The following HTR2C variants were observed in gnomAD, a reference collection of about 807,000 sequenced individuals.
HTR2C encodes the protein 5-hydroxytryptamine receptor 2C, also known as 5-hydroxytryptamine (serotonin) receptor 2C, G protein-coupled.
Under a neutral mutation model 21.0 loss-of-function variants are expected in HTR2C, and 5 were observed. The ratio of observed to expected loss-of-function variants is 0.24; its 90% CI spans 0.12 to 0.50. HTR2C has a LOEUF of 0.50. Ranked by LOEUF, HTR2C falls within the 20% of genes least tolerant of loss-of-function variation. The pLI, the probability that HTR2C is intolerant of heterozygous loss-of-function variation, is 0.98. For missense variants in HTR2C, 271 were observed against 371.2 expected, an observed-to-expected ratio of 0.73 and a Z score of 2.22; for synonymous variants, 150 against 145.3, an observed-to-expected ratio of 1.03 and a Z score of -0.23.
At chrX:114,675,868 C>CTTTTTTTT (rs1556412476) in intron 2 of HTR2C, among the ~76,000 whole-genome samples, 27 of 94,284 alleles carry the variant, frequency 2.9e-4, no homozygotes, top group Non-Finnish European at 4.7e-4. Context: ...TTTCTTTTTT[C>CTTTTTTTT]TTTTTTCTTT....
chrX:114,855,901 AC>A (rs1339267781), intron 5 of HTR2C, among the ~76,000 whole-genome samples: 4 of 107,041 alleles, frequency 3.7e-5, no homozygotes, highest in Non-Finnish European at 5.8e-5. Flanking sequence ...TACAAGAGAA[AC>A]TTTTTCATGG....
chrX:114,892,407 A>C (rs1457537560), intron 5 of HTR2C, among the ~76,000 whole-genome samples: 1 of 111,783 alleles, frequency 8.9e-6, no homozygotes, highest in Non-Finnish European at 1.9e-5. Flanking sequence ...ACTTTAATTC[A>C]TAGGCAATAC....
chrX:114,822,549 C>A (rs1430606012), intron 4 of HTR2C, among the ~76,000 whole-genome samples: 1 of 112,177 alleles, frequency 8.9e-6, no homozygotes, highest in African/African-American at 3.2e-5. Flanking sequence ...GTCTTCCATT[C>A]AACTCTGAAG....
At chrX:114,806,517 C>CAT (rs1569495889) in intron 4 of HTR2C, among the ~76,000 whole-genome samples, 2 of 90,813 alleles carry the variant, frequency 2.2e-5, no homozygotes, top group African/African-American at 4.1e-5. Flanking sequence ...ATATATACAC[C>CAT]ACATATATAC....
intron 5 of HTR2C, among the ~76,000 whole-genome samples, chrX:114,866,123 C>T (rs781972315): frequency 9.0e-6 from 1 of 111,233 alleles, no homozygotes; most frequent in African/African-American, 3.3e-5. Context: ...GGCCCCAGTG[C>T]GTTTTTTAAA....
intron 2 of HTR2C, among the ~76,000 whole-genome samples, chrX:114,674,539 T>G (rs782248536): frequency 5.4e-5 from 6 of 111,754 alleles, no homozygotes; most frequent in Admixed American, 9.6e-5. Context: ...GTATTTCTGC[T>G]CATATCCTCC....
At chrX:114,666,474 A>T (rs1556410907) in intron 2 of HTR2C, among the ~76,000 whole-genome samples, 1 of 111,790 alleles carries the variant, frequency 8.9e-6, no homozygotes, top group African/African-American at 3.2e-5. Context: ...TTTCTTTATG[A>T]TTATCTAATT....
chrX:114,876,422 C>CATT (rs2071136350), intron 5 of HTR2C, among the ~76,000 whole-genome samples: 1 of 62,397 alleles, frequency 1.6e-5, no homozygotes. Flanking sequence ...CTTTTTCTTT[C>CATT]TTTTTTTTTT....
rs1418933310 is a variant in HTR2C, at chrX:114,876,075, A to T, written c.550+27872A>T. ...CTTTTTTCATTTATTTGTGACTCCA[A>T]TGTCTTTTGTCAATGTTTTATAGTT... On this transcript the variant is annotated intron_variant, in intron 5 of 5. Coordinates refer to ENST00000276198, the MANE Select transcript of HTR2C (RefSeq NM_000868.4). Among the ~76,000 whole-genome samples the T allele has an allele frequency of 1.1e-4, 12 of 110,315 alleles. No homozygotes were observed. The Admixed American group carries it at 1.2e-3, about 11-fold the overall frequency.
intron 1 of HTR2C, among the ~76,000 whole-genome samples, chrX:114,609,191 G>A (rs782267959): frequency 3.6e-5 from 4 of 110,512 alleles, no homozygotes; most frequent in African/African-American, 9.8e-5. Context: ...AGAAACTGGG[G>A]CTTTCTACAT....
chrX:114,698,697 G>C (rs782289910), intron 2 of HTR2C, among the ~76,000 whole-genome samples: 2 of 111,933 alleles, frequency 1.8e-5, no homozygotes, highest in South Asian at 7.4e-4. Flanking sequence ...TAATTTTGAT[G>C]TTCTACAAAA....
intron 2 of HTR2C, among the ~76,000 whole-genome samples, chrX:114,677,565 A>G (rs1392374918): frequency 8.9e-6 from 1 of 111,737 alleles, no homozygotes; most frequent in African/African-American, 3.2e-5. Context: ...TAAAAATGCC[A>G]TTTTTTGTCA....
At chrX:114,648,116 G>A (rs782616793) in intron 2 of HTR2C, among the ~76,000 whole-genome samples, 15 of 111,927 alleles carry the variant, frequency 1.3e-4, no homozygotes, top group Non-Finnish European at 2.6e-4. Context: ...TAGTGGAGAA[G>A]TATGATTGGA....
chrX:114,782,807 AT>A (rs1335923238), intron 4 of HTR2C, among the ~76,000 whole-genome samples: 1 of 112,053 alleles, frequency 8.9e-6, no homozygotes, highest in East Asian at 2.8e-4. Context: ...TCAAAGTTGA[AT>A]TTAAATGTTC....
At chrX:114,772,534 G>A (rs782020228) in intron 4 of HTR2C, among the ~76,000 whole-genome samples, 97 of 110,154 alleles carry the variant, frequency 8.8e-4, no homozygotes, top group African/African-American at 3.0e-3. Flanking sequence ...ATTTTTCAGA[G>A]GGAGACAAAA....
chrX:114,610,885 G>T, intron 1 of HTR2C, among the ~76,000 whole-genome samples: 1 of 111,448 alleles, frequency 9.0e-6, no homozygotes, highest in African/African-American at 3.3e-5. Context: ...CAGGAGGAAG[G>T]GAAGAAGCAA....
chrX:114,699,901 C>T (rs1474440264), intron 2 of HTR2C, among the ~76,000 whole-genome samples: 1 of 112,173 alleles, frequency 8.9e-6, no homozygotes, highest in Non-Finnish European at 1.9e-5. Context: ...TGCCAGTTTA[C>T]TCATTAACAT....
chrX:114,899,936 A>T (rs1290559517), intron 5 of HTR2C, among the ~76,000 whole-genome samples: 2 of 111,737 alleles, frequency 1.8e-5, no homozygotes, highest in Non-Finnish European at 3.8e-5. Flanking sequence ...ATCACTGAAC[A>T]TAAAATTCTG....
intron 4 of HTR2C, among the ~76,000 whole-genome samples, chrX:114,825,815 A>G (rs73573306): frequency 0.019 from 2,115 of 111,351 alleles, 49 homozygotes; most frequent in African/African-American, 0.065. Flanking sequence ...TATATTTTAA[A>G]TGTTATTATA....
Sources: allele counts gnomAD v4.1 joint callset (sites outside exome capture counted in the v4.1 genomes callset), GRCh38; gene constraint gnomAD v4.1.1; transcripts MANE v1.5; gene names NCBI Gene and HGNC (gene_info 2026-07-23, HGNC 2026-07-21).